SDK1: variants seen among roughly 807,000 people sequenced by gnomAD.
SDK1 encodes protein sidekick-1.
SDK1 carries 157 observed loss-of-function variants against 245.5 expected under a neutral mutation model. That is an observed-to-expected ratio of 0.64 (90% CI 0.56 to 0.73). The LOEUF (loss-of-function observed/expected upper bound fraction) is 0.73. Among genes scored for constraint, SDK1 ranks in the 30% least tolerant of loss-of-function variants. SDK1 has a pLI of 0.00. For missense variants in SDK1, 3,583 were observed against 3,002.3 expected (o/e 1.19, Z -4.52); for synonymous variants, 1,647 against 1,278.5 (o/e 1.29, Z -6.15).
intron 1 of SDK1, among the ~76,000 whole-genome samples, chr7:3,508,772 C>T (rs1243549920): frequency 6.6e-6 from 1 of 152,122 alleles, no homozygotes; most frequent in Non-Finnish European, 1.5e-5. Flanking sequence ...TGGCATTGCC[C>T]CAAACCTGTT....
intron 1 of SDK1, among the ~76,000 whole-genome samples, chr7:3,380,380 C>G (rs1781456267): frequency 6.6e-6 from 1 of 152,170 alleles, no homozygotes; most frequent in African/African-American, 2.4e-5. Flanking sequence ...TGATCAGAGA[C>G]TTAAAATCTT....
intron 1 of SDK1, among the ~76,000 whole-genome samples, chr7:3,461,656 C>G (rs1055455852): frequency 2.0e-5 from 3 of 152,082 alleles, no homozygotes; most frequent in African/African-American, 7.2e-5. Context: ...CAAAACTTTC[C>G]CTTTTCCTTC....
In SDK1 at chr7:4,265,467, T is replaced by C. The variant is rs1398742570; in HGVS notation, c.*83T>C. On this transcript the variant is annotated 3_prime_UTR_variant, in exon 45 of 45. Transcript: ENST00000404826. ...TGTTAAGACAATCAACTCCAATAAC[T>C]GAGCTGAAGTTTTTGTTTAAAAAGA... is the stretch of plus-strand genomic sequence containing the variant. 1 of 1,374,650 alleles carries C rather than the reference T, an allele frequency of 7.3e-7. No homozygotes were observed. The highest frequency in any genetic ancestry group is 1.5e-5 in the African/African-American group (1 of 65,090). 85.2% of individuals were successfully genotyped at this position (1,374,650 alleles called of 1,614,324 possible).
chr7:3,309,445 G>A (rs769402605), intron 1 of SDK1, among the ~76,000 whole-genome samples: 27 of 150,490 alleles, frequency 1.8e-4, no homozygotes, highest in Admixed American at 5.3e-4. Context: ...CTGGCTAAGA[G>A]CAAGGCGAGT....
intron 1 of SDK1, among the ~76,000 whole-genome samples, chr7:3,517,889 C>T (rs1231156238): frequency 6.6e-6 from 1 of 152,070 alleles, no homozygotes; most frequent in Non-Finnish European, 1.5e-5. Flanking sequence ...ATTATGGTAT[C>T]TTTAGCCCAT....
At chr7:3,658,794 T>A (rs1477145860) in intron 4 of SDK1, among the ~76,000 whole-genome samples, 1 of 152,080 alleles carries the variant, frequency 6.6e-6, no homozygotes, top group Non-Finnish European at 1.5e-5. Context: ...TTTTTTGTAT[T>A]TTTAGTAGAT....
rs1185687869 is a variant in SDK1 at position 3,669,703 on chromosome 7, A to G, written c.713+27598A>G. Among the ~76,000 whole-genome samples the G allele has an allele frequency of 5.3e-5, 8 of 152,274 alleles. No homozygotes were observed. In the East Asian group the frequency reaches 1.5e-3, roughly 29 times the overall value. On this transcript the variant is annotated intron_variant, in intron 4 of 44. Transcript: ENST00000404826. ...AGTTCATCCAAGCTCATCAGCTCAC[A>G]TACCAACTATAGCACTTGCAGATGA...
At chr7:3,771,291 C>A (rs1780399785) in intron 4 of SDK1, among the ~76,000 whole-genome samples, 1 of 152,048 alleles carries the variant, frequency 6.6e-6, no homozygotes, top group Admixed American at 6.5e-5. Flanking sequence ...TTGGAGTTGG[C>A]AAGCCATCAC....
intron 7 of SDK1, among the ~76,000 whole-genome samples, chr7:3,957,029 G>A (rs1288526933): frequency 6.6e-6 from 1 of 152,166 alleles, no homozygotes. Flanking sequence ...CAAAGCACAG[G>A]TCATCTTGGG....
intron 5 of SDK1, among the ~76,000 whole-genome samples, chr7:3,913,626 C>G (rs1008341559): frequency 1.3e-5 from 2 of 152,072 alleles, no homozygotes; most frequent in Non-Finnish European, 2.9e-5. Flanking sequence ...CTCATCCATT[C>G]TTTTCTCTGG....
intron 13 of SDK1, among the ~76,000 whole-genome samples, chr7:3,982,623 A>C (rs1486074196): frequency 1.3e-5 from 2 of 152,028 alleles, no homozygotes; most frequent in African/African-American, 2.4e-5. Context: ...GGTGGATCAC[A>C]AGGTCAGGAG....
chr7:3,817,370 A>G (rs1219923012), intron 4 of SDK1, among the ~76,000 whole-genome samples: 1 of 152,192 alleles, frequency 6.6e-6, no homozygotes, highest in Non-Finnish European at 1.5e-5. Context: ...GTCCTGGTTC[A>G]GGTTAGTGTC....
In SDK1 at chr7:4,265,294, G is replaced by C; in HGVS notation, c.6552G>C (p.Pro2184=). 1 of 1,581,752 alleles carries C rather than the reference G, an allele frequency of 6.3e-7. No homozygotes were observed. The highest frequency in any genetic ancestry group is 8.5e-7 in the Non-Finnish European group (1 of 1,171,286). Residue 2184 remains proline, a synonymous_variant, in exon 45 of 45, where the codon CCG becomes CCC. Transcript: ENST00000404826. ...CCGAGGCGGGCGCGCAGCTGCACCC[G>C]GTCATCACCACGCAGAGCGCGGGCG... ...AGSEAGAQLH[P]VITTQSAGGV...
chr7:4,190,278 G>A lies in SDK1; in HGVS notation c.5098+11692G>A, dbSNP rs1358388948. Among the ~76,000 whole-genome samples the A allele has an allele frequency of 2.0e-5, 3 of 152,282 alleles. No individual in the cohort carries two copies. In the East Asian group the frequency reaches 5.8e-4, roughly 29 times the overall value. ...ACCACAGGCCGCCCCTGTCATTTCT[G>A]CGGCCACAGTCTCTCCAACTGATGC... On this transcript the variant is annotated intron_variant, in intron 35 of 44. Transcript: ENST00000404826.
At chr7:4,116,251 C>G (rs1194245047) in intron 25 of SDK1, among the ~76,000 whole-genome samples, 2 of 152,194 alleles carry the variant, frequency 1.3e-5, no homozygotes, top group Non-Finnish European at 2.9e-5. Flanking sequence ...CCCCTCACCT[C>G]TTCCTAATGC....
intron 1 of SDK1, among the ~76,000 whole-genome samples, chr7:3,442,582 C>A (rs1055382898): frequency 2.6e-5 from 4 of 152,182 alleles, no homozygotes; most frequent in Non-Finnish European, 1.5e-5. Context: ...GTTCAAATCA[C>A]CACTCTGCCC....
intron 1 of SDK1, among the ~76,000 whole-genome samples, chr7:3,414,042 G>A (rs1779290679): frequency 6.6e-6 from 1 of 152,158 alleles, no homozygotes; most frequent in African/African-American, 2.4e-5. Flanking sequence ...ATTAAGTGGA[G>A]AGAGTATGTT....
chr7:3,369,842 A>G (rs1290191041), intron 1 of SDK1, among the ~76,000 whole-genome samples: 1 of 152,188 alleles, frequency 6.6e-6, no homozygotes, highest in East Asian at 1.9e-4. Context: ...ATGCGCATTT[A>G]TGGCGTGCAG....
At chr7:3,348,455 GA>G (rs2128556980) in intron 1 of SDK1, among the ~76,000 whole-genome samples, 1 of 150,822 alleles carries the variant, frequency 6.6e-6, no homozygotes, top group South Asian at 2.1e-4. Flanking sequence ...CACAGGAGCA[GA>G]AAACCGAAAA....
Sources: allele counts gnomAD v4.1 joint callset (sites outside exome capture counted in the v4.1 genomes callset), GRCh38; gene constraint gnomAD v4.1.1; transcripts MANE v1.5; gene names NCBI Gene and HGNC (gene_info 2026-07-23, HGNC 2026-07-21).